The following CAMSAP1 variants were observed in gnomAD, a reference collection of about 807,000 sequenced individuals.
CAMSAP1 encodes the protein calmodulin-regulated spectrin-associated protein 1.
CAMSAP1 carries 58 observed loss-of-function variants against 143.5 expected under a neutral mutation model. The observed-to-expected ratio is 0.40, with a 90% CI of 0.33 to 0.50. The LOEUF is 0.50. Among genes scored for constraint, CAMSAP1 ranks in the 20% least tolerant of loss-of-function variants. The pLI, the probability that CAMSAP1 is intolerant of heterozygous loss-of-function variation, is 0.45. For synonymous variants in CAMSAP1, 945 were observed against 859.3 expected (o/e 1.10, Z -1.74); for missense variants, 1,969 against 2,115.7 (o/e 0.93, Z 1.36).
At chr9:135,886,163 T>C (rs550244191) in intron 1 of CAMSAP1, among the ~76,000 whole-genome samples, 1 of 152,352 alleles carries the variant, frequency 6.6e-6, no homozygotes, top group Non-Finnish European at 1.5e-5. Context: ...TACACATTCA[T>C]TCGACAATTA....
intron 1 of CAMSAP1, among the ~76,000 whole-genome samples, chr9:135,885,866 G>A (rs776605720): frequency 1.3e-4 from 20 of 151,884 alleles, no homozygotes; most frequent in East Asian, 7.7e-4. Context: ...CTTTCCATCC[G>A]GCCTAAGGAA....
At chr9:135,829,511 G>C (rs1373412038) in intron 7 of CAMSAP1, among the ~76,000 whole-genome samples, 2 of 151,540 alleles carry the variant, frequency 1.3e-5, no homozygotes, top group Non-Finnish European at 2.9e-5. Context: ...AACAGAGCAA[G>C]ACCTTGTCTC....
Position 135,811,834 on chromosome 9 carries a change from G to A in CAMSAP1, c.4507-223C>T, listed in dbSNP as rs769194717. Among the ~76,000 whole-genome samples the A allele has an allele frequency of 2.0e-5, 3 of 152,334 alleles. No homozygotes were observed. The East Asian group carries it at 5.8e-4, about 29-fold the overall frequency. On this transcript the variant is annotated intron_variant, in intron 16 of 16. Coordinates refer to ENST00000389532, the MANE Select transcript of CAMSAP1 (RefSeq NM_015447.4). The surrounding 1 kb of genome is among the most constrained non-coding windows in gnomAD (Gnocchi z 4.9). ...AAGTCTAAGCAAGCAAGGGGGAAAA[G>A]AATGCTTTTACGATTAAATGGAAAA...
chr9:135,823,559 A>G (rs986417431), intron 10 of CAMSAP1, among the ~76,000 whole-genome samples: 14 of 152,210 alleles, frequency 9.2e-5, no homozygotes, highest in African/African-American at 3.4e-4. Flanking sequence ...TAAAGCTCAG[A>G]CATTTTCTAA....
chr9:135,824,023 G>T lies in CAMSAP1; in HGVS notation c.1327C>A (p.Arg443=). ...TCAACTCGGGTCAAAGAATTCGATC[G>T]ATGTCGCTGATCTGCAGTACAGAGG... The part of the protein sequence containing the change: ...QGEDIPDQRH[R]SNSLTRVDGQ... Residue 443 remains arginine, a synonymous_variant, in exon 10 of 17, where the codon CGA becomes AGA. Coordinates refer to ENST00000389532, the MANE Select transcript of CAMSAP1 (RefSeq NM_015447.4). This position sits in a 1 kb window ranked among gnomAD's most constrained non-coding sequence, Gnocchi z 4.1. The T allele has an allele frequency of 6.3e-7, 1 of 1,582,364 alleles. No homozygotes were observed. Among genetic ancestry groups the T allele is most frequent in the Admixed American group, 1.8e-5 (1 of 55,230 alleles).
intron 1 of CAMSAP1, among the ~76,000 whole-genome samples, chr9:135,904,384 G>A (rs1217824359): frequency 1.4e-5 from 2 of 140,462 alleles, no homozygotes; most frequent in Admixed American, 7.2e-5. Context: ...GGCCGACAGA[G>A]CGAGACCCTG....
At chr9:135,819,650 A>C (rs1460473320) in intron 11 of CAMSAP1, among the ~76,000 whole-genome samples, 1 of 147,876 alleles carries the variant, frequency 6.8e-6, no homozygotes, top group Non-Finnish European at 1.5e-5. Context: ...CCTGGCCGAC[A>C]TGGCGAAACC....
intron 5 of CAMSAP1, among the ~76,000 whole-genome samples, chr9:135,855,107 T>G (rs1230991610): frequency 2.6e-5 from 4 of 152,114 alleles, no homozygotes; most frequent in Non-Finnish European, 4.4e-5. Context: ...TTTTCCTGCC[T>G]GAGCCTCCCG....
intron 1 of CAMSAP1, among the ~76,000 whole-genome samples, chr9:135,901,166 A>G (rs937850988): frequency 3.9e-5 from 6 of 152,244 alleles, no homozygotes; most frequent in African/African-American, 1.2e-4. Context: ...TGGGCTCCCC[A>G]TGGCAGTTCA....
chr9:135,878,298 T>C (rs1172753196), intron 3 of CAMSAP1, among the ~76,000 whole-genome samples: 1 of 151,352 alleles, frequency 6.6e-6, no homozygotes, highest in Non-Finnish European at 1.5e-5. Context: ...CAGGACAGAG[T>C]CCCAGAGGGA....
At chr9:135,867,477 CT>C (rs547781628) in intron 3 of CAMSAP1, among the ~76,000 whole-genome samples, 1,424 of 139,440 alleles carry the variant, frequency 0.01, 22 homozygotes, top group Admixed American at 0.031. Flanking sequence ...AGACCCCCCT[CT>C]TTTTTTTTTT....
At chr9:135,812,694 C>T (rs985051496) in intron 16 of CAMSAP1, among the ~76,000 whole-genome samples, 15 of 152,176 alleles carry the variant, frequency 9.9e-5, no homozygotes, top group Admixed American at 5.9e-4. Context: ...TTGGGCCGGG[C>T]GCTGTGGCTC....
chr9:135,829,646 G>C (rs1348709263), intron 7 of CAMSAP1, among the ~76,000 whole-genome samples: 1 of 152,112 alleles, frequency 6.6e-6, no homozygotes, highest in African/African-American at 2.4e-5. Flanking sequence ...CCGAGGTTGG[G>C]AGTTCAAGAC....
chr9:135,899,419 A>C (rs1008446395), intron 1 of CAMSAP1, among the ~76,000 whole-genome samples: 13 of 139,234 alleles, frequency 9.3e-5, no homozygotes, highest in African/African-American at 3.1e-4. Context: ...GTCTCTATTA[A>C]AAAAAAAAAA....
In CAMSAP1 at chr9:135,818,065, G is replaced by A. The variant is rs747214918; in HGVS notation, c.4183C>T (p.Arg1395Trp). The A allele has an allele frequency of 1.9e-6, 3 of 1,613,630 alleles. No homozygotes were observed. The highest frequency in any genetic ancestry group is 1.7e-5 in the Admixed American group (1 of 60,004). The change falls in exon 14 of 17, where the codon CGG (arginine) becomes TGG (tryptophan). Residue 1395 changes from arginine (R) to tryptophan (W), a missense_variant. Arg to Trp is a moderately radical substitution (Grantham distance 101, BLOSUM62 -3). Around this residue, in one of 4 missense-constraint regions of CAMSAP1, gnomAD observed 1,390 missense variants for 1,420.8 expected, o/e 0.98. Transcript: ENST00000389532. This position sits in a 1 kb window ranked among gnomAD's most constrained non-coding sequence, Gnocchi z 7.7. Reference protein sequence around the residue: ...KCSSTPDNLSRTQSGSSLSLA... With the variant: ...KCSSTPDNLSWTQSGSSLSLA... ...GACAGGCTGGAGCCTGACTGAGTCC[G>A]GCTCAAGTTATCAGCTGCCAGAGAC...
chr9:135,866,534 T>C lies in CAMSAP1; in HGVS notation c.588A>G (p.Val196=). The C allele has an allele frequency of 7.4e-7, 1 of 1,355,064 alleles. No individual in the cohort carries two copies. 83.9% of individuals were successfully genotyped at this position (1,355,064 alleles called of 1,614,324 possible). A position where few individuals can be genotyped will look rare whatever the true frequency, so the allele number is the denominator to read the frequency against. The change falls in exon 4 of 17, where the codon GTA becomes GTG. Residue 196 remains valine (V), a splice_region_variant and synonymous_variant. Transcript: ENST00000389532. ...EDAMVFWINK[V]NLKMREITEK... is the part of the protein sequence containing the mutation. ...CTGTTATCTCTCTCATTTTAAGATT[T>C]ACCTAAAGTAGAAGAGAAATGCATT...
Position 135,907,116 on chromosome 9 carries a change from T to G in CAMSAP1, c.44A>C (p.Lys15Thr). 8.9e-7 allele frequency: 1 copy of G among 1,126,986 alleles called. No individual in the cohort carries two copies. The highest frequency in any genetic ancestry group is 1.1e-6 in the Non-Finnish European group (1 of 917,336). The allele number at this position is 1,126,986 out of a possible 1,614,324, so 69.8% of individuals were successfully genotyped here. A position where few individuals can be genotyped will look rare whatever the true frequency, so the allele number is the denominator to read the frequency against. Residue 15 changes from lysine to threonine, a missense_variant, in exon 1 of 17, where the codon AAG (lysine) becomes ACG (threonine). This residue lies in a region of CAMSAP1 where 215 missense variants were observed against 196.2 expected (regional missense o/e 1.10). Transcript: ENST00000389532. ...GGCGCCGTCCGGCGGGGCCTCCATC[T>G]TCCTCCAGCCCTCGGCGGCGGCGCG... The part of the protein sequence containing the change: ...SGRAAAEGWR[K>T]MEAPPDGAAD...
chr9:135,883,335 AAC>A (rs1191175718), intron 1 of CAMSAP1, among the ~76,000 whole-genome samples: 1 of 152,262 alleles, frequency 6.6e-6, no homozygotes, highest in Non-Finnish European at 1.5e-5. Context: ...CTACTCTGTG[AAC>A]ACAGACAACT....
At position 135,818,395 on chromosome 9, in the gene CAMSAP1, C is replaced by CG. The variant is rs746456949; in HGVS notation, c.4168+12dup. On this transcript the variant is annotated intron_variant, in intron 13 of 16. Coordinates refer to ENST00000389532, the MANE Select transcript of CAMSAP1 (RefSeq NM_015447.4). This position sits in a 1 kb window ranked among gnomAD's most constrained non-coding sequence, Gnocchi z 7.7. ...AAGGAAGCGCTGCCCGCGTGAGGGC[C>CG]GGGGCTGCTTACGGGTGGAGGAGCA... is the stretch of plus-strand genomic sequence containing the variant. 36 of 1,560,144 alleles carry CG rather than the reference C, an allele frequency of 2.3e-5. No individual in the cohort carries two copies. In the Middle Eastern group the frequency reaches 1.2e-3, roughly 54 times the overall value.
Sources: allele counts gnomAD v4.1 joint callset (sites outside exome capture counted in the v4.1 genomes callset), GRCh38; gene constraint gnomAD v4.1.1; regional missense constraint gnomAD v4.1.1; non-coding constraint Gnocchi (gnomAD v3.1); transcripts MANE v1.5; gene names NCBI Gene and HGNC (gene_info 2026-07-23, HGNC 2026-07-21).